NAV2: variants seen among roughly 807,000 people sequenced by gnomAD.
The protein encoded by NAV2 is neuron navigator 2.
NAV2 carries 54 observed loss-of-function variants against 223.2 expected under a neutral mutation model. That is an observed-to-expected ratio of 0.24 (90% CI 0.19 to 0.30). The LOEUF is 0.30. Ranked by LOEUF, NAV2 falls within the 10% of genes least tolerant of loss-of-function variation. The pLI, the probability that NAV2 is intolerant of heterozygous loss-of-function variation, is 1.00. For synonymous variants in NAV2, 1,279 were observed against 1,239.3 expected, an observed-to-expected ratio of 1.03 and a Z score of -0.67; for missense variants, 2,806 against 3,147.5, an observed-to-expected ratio of 0.89 and a Z score of 2.60.
Position 19,862,801 on chromosome 11 carries a change from A to G in NAV2, c.439-6124A>G, listed in dbSNP as rs367843681. ...AAAAGAAGGTGGGTAAATCGTGCAT[A>G]AGGCTGTGACCTCTAGGAGTATAGA... On this transcript the variant is annotated intron_variant, in intron 3 of 37. Transcript: ENST00000349880. Among the ~76,000 whole-genome samples the G allele has an allele frequency of 6.6e-5, 10 of 152,310 alleles. No homozygotes were observed. The South Asian group carries it at 1.0e-3, about 16-fold the overall frequency.
At chr11:19,557,123 G>A (rs2044920839) in intron 1 of NAV2, among the ~76,000 whole-genome samples, 1 of 152,172 alleles carries the variant, frequency 6.6e-6, no homozygotes, top group African/African-American at 2.4e-5. Context: ...AGGCTTATTA[G>A]ATCACTGGAT....
intron 1 of NAV2, among the ~76,000 whole-genome samples, chr11:19,476,943 C>T (rs957029083): frequency 1.3e-5 from 2 of 152,180 alleles, no homozygotes; most frequent in African/African-American, 4.8e-5. Context: ...CCACCCTCCA[C>T]TCTCCCTCTC....
chr11:19,779,370 C>T (rs577296545), intron 1 of NAV2, among the ~76,000 whole-genome samples: 68 of 152,328 alleles, frequency 4.5e-4, no homozygotes, highest in African/African-American at 1.6e-3. Context: ...CCTCAGATAT[C>T]CTCAGTGATG....
At chr11:19,964,474 A>G (rs941317187) in intron 10 of NAV2, among the ~76,000 whole-genome samples, 1 of 147,762 alleles carries the variant, frequency 6.8e-6, no homozygotes, top group Non-Finnish European at 1.5e-5. Flanking sequence ...CTTTATATAC[A>G]TTATCTCTTT....
intron 1 of NAV2, among the ~76,000 whole-genome samples, chr11:19,489,178 G>C (rs749016303): frequency 1.3e-5 from 2 of 152,196 alleles, no homozygotes; most frequent in Non-Finnish European, 2.9e-5. Context: ...GGGGGTCTCT[G>C]ATACTGTGAA....
At chr11:20,009,800 G>A (rs2053415124) in intron 11 of NAV2, among the ~76,000 whole-genome samples, 1 of 151,904 alleles carries the variant, frequency 6.6e-6, no homozygotes, top group Non-Finnish European at 1.5e-5. Flanking sequence ...TCCAATCTTT[G>A]CAGAGACATT....
intron 11 of NAV2, among the ~76,000 whole-genome samples, chr11:20,011,287 G>A (rs1177938767): frequency 6.6e-6 from 1 of 151,634 alleles, no homozygotes; most frequent in African/African-American, 2.4e-5. Flanking sequence ...GTTTAATTTT[G>A]GAAAAAATAT....
intron 1 of NAV2, among the ~76,000 whole-genome samples, chr11:19,563,249 C>A (rs1801717218): frequency 6.6e-6 from 1 of 152,226 alleles, no homozygotes; most frequent in South Asian, 2.1e-4. Flanking sequence ...ATAGTCAGGA[C>A]AACACCTTCC....
chr11:19,491,745 C>T (rs1309069513), intron 1 of NAV2, among the ~76,000 whole-genome samples: 1 of 152,182 alleles, frequency 6.6e-6, no homozygotes, highest in South Asian at 2.1e-4. Context: ...TCTTTGCATT[C>T]ACAATTTGGC....
intron 11 of NAV2, among the ~76,000 whole-genome samples, chr11:20,013,980 C>T (rs979733903): frequency 6.6e-6 from 1 of 152,254 alleles, no homozygotes; most frequent in Non-Finnish European, 1.5e-5. Flanking sequence ...AGCTTCTGTT[C>T]TGTTCCGGTG....
chr11:19,966,507 T>A (rs1406972901), intron 10 of NAV2, among the ~76,000 whole-genome samples: 1 of 152,132 alleles, frequency 6.6e-6, no homozygotes, highest in Admixed American at 6.6e-5. Flanking sequence ...CTTCATCCCC[T>A]CACTGACCAC....
At chr11:19,930,894 C>G (rs2045269366) in intron 6 of NAV2, among the ~76,000 whole-genome samples, 1 of 152,168 alleles carries the variant, frequency 6.6e-6, no homozygotes, top group Non-Finnish European at 1.5e-5. Context: ...TGTACTCCAC[C>G]ATGGATGTCA....
At chr11:20,048,437 G>A (rs1012048310) in intron 14 of NAV2, among the ~76,000 whole-genome samples, 2 of 152,194 alleles carry the variant, frequency 1.3e-5, no homozygotes, top group Non-Finnish European at 2.9e-5. Context: ...TCTTGGCCCA[G>A]TGTCATGTGA....
intron 1 of NAV2, among the ~76,000 whole-genome samples, chr11:19,615,199 T>C (rs7113529): frequency 6.6e-6 from 1 of 151,458 alleles, no homozygotes; most frequent in African/African-American, 2.4e-5. Flanking sequence ...TACTAAAATA[T>C]GTAAAAATAT....
intron 22 of NAV2, among the ~76,000 whole-genome samples, chr11:20,077,304 G>GAA (rs113558517): frequency 4.4e-4 from 67 of 152,222 alleles, no homozygotes; most frequent in African/African-American, 1.6e-3. Flanking sequence ...TGAGAGGGAA[G>GAA]AACATTTCAG....
At chr11:19,366,010 C>T (rs1434228063) in intron 1 of NAV2, among the ~76,000 whole-genome samples, 1 of 152,164 alleles carries the variant, frequency 6.6e-6, no homozygotes, top group East Asian at 1.9e-4. Context: ...TTGAAGGAGC[C>T]AGAGAGGAAG....
chr11:20,041,929 G>C (rs1220509024), intron 12 of NAV2, among the ~76,000 whole-genome samples: 1 of 152,076 alleles, frequency 6.6e-6, no homozygotes, highest in East Asian at 1.9e-4. Flanking sequence ...TTATTTCTCA[G>C]ACTTTTTGTC....
At chr11:19,358,323 C>A (rs1416742010) in intron 1 of NAV2, among the ~76,000 whole-genome samples, 1 of 152,036 alleles carries the variant, frequency 6.6e-6, no homozygotes, top group Non-Finnish European at 1.5e-5. Flanking sequence ...GAAGCAGAGG[C>A]AAATATGGGA....
intron 3 of NAV2, among the ~76,000 whole-genome samples, chr11:19,866,887 C>T (rs2062125954): frequency 6.6e-6 from 1 of 152,008 alleles, no homozygotes; most frequent in Non-Finnish European, 1.5e-5. Context: ...TCCATGGGGA[C>T]ATAATTGCCA....
Sources: gnomAD v4.1 joint callset for allele counts (sites outside exome capture counted in the v4.1 genomes callset) on GRCh38, gnomAD v4.1.1 for gene constraint, MANE v1.5 for transcripts, NCBI Gene and HGNC (gene_info 2026-07-23, HGNC 2026-07-21) for gene names.